The following SCRN1 variants were observed in gnomAD, a reference collection of about 807,000 sequenced individuals.
SCRN1 encodes secernin 1.
SCRN1 carries 19 observed loss-of-function variants against 43.3 expected under a neutral mutation model. The ratio of observed to expected loss-of-function variants is 0.44; its 90% confidence interval spans 0.31 to 0.64. SCRN1 has a LOEUF of 0.64. Among genes scored for constraint, SCRN1 ranks in the 30% least tolerant of loss-of-function variants. SCRN1 has a pLI of 0.09. For synonymous variants in SCRN1, 183 were observed against 188.9 expected, an observed-to-expected ratio of 0.97 and a Z score of 0.26; for missense variants, 447 against 524.1, an observed-to-expected ratio of 0.85 and a Z score of 1.44.
At position 29,921,644 on chromosome 7, in the gene SCRN1, T is replaced by C. The variant is rs1786762725; in HGVS notation, c.*2313A>G. ...TAGTGGTAGGACTAGGACATCACAA[T>C]TGTGGTGCAGAGTATTAGCCAAGAC... On this transcript the variant is annotated 3_prime_UTR_variant, in exon 8 of 8. Coordinates refer to ENST00000242059, the MANE Select transcript of SCRN1 (RefSeq NM_014766.5). The C allele has an allele frequency of 6.6e-6, 1 of 152,228 alleles. No individual in the cohort carries two copies. The highest frequency in any genetic ancestry group is 2.1e-4 in the South Asian group (1 of 4,834). 9.4% of individuals were successfully genotyped at this position (152,228 alleles called of 1,614,324 possible). A position where few individuals can be genotyped will look rare whatever the true frequency, so the allele number is the denominator to read the frequency against.
In SCRN1 at chr7:29,943,910, G is replaced by A. The variant is rs149878955; in HGVS notation, c.544+67C>T. On this transcript the variant is annotated intron_variant, in intron 4 of 7. Transcript: ENST00000242059. ...CTTTCTTCCAGGTCTGACACTGTAC[G>A]TGCAGGCCACCCCATCTCTGTGGCC... is the stretch of plus-strand genomic sequence containing the variant. 6.5e-5 allele frequency: 95 copies of A among 1,460,930 alleles called. 1 individual carries two copies. The African/African-American group carries it at 9.5e-4, about 15-fold the overall frequency. The allele number at this position is 1,460,930 out of a possible 1,614,324, so 90.5% of individuals were successfully genotyped here. A position where few individuals can be genotyped will look rare whatever the true frequency, so the allele number is the denominator to read the frequency against.
chr7:29,969,179 C>G, intron 1 of SCRN1, 111 bp from the exon 2 acceptor site: 1 of 1,295,154 alleles, frequency 7.7e-7, no homozygotes, highest in South Asian at 1.4e-5. Context: ...TTGAACTGTG[C>G]ACAGCTAGCT....
chr7:29,968,957 C>T lies in SCRN1; in HGVS notation c.111G>A (p.Glu37=), dbSNP rs763274907. 42 of 1,614,046 alleles carry T rather than the reference C, an allele frequency of 2.6e-5. No individual in the cohort carries two copies. Among genetic ancestry groups the T allele is most frequent in the Non-Finnish European group, 3.4e-5 (40 of 1,180,034 alleles). The stretch of plus-strand genomic sequence containing the variant: ...GATCAGCAGCCGAGAAATACACAAC[C>T]TCTTGCACTTCATCTCTGGGCCGGG... ...NSARPRDEVQ[E]VVYFSAADHE... is the part of the protein sequence containing the mutation. Residue 37 remains glutamate, a synonymous_variant, in exon 2 of 8, where the codon GAG becomes GAA. Transcript: ENST00000242059.
intron 5 of SCRN1, among the ~76,000 whole-genome samples, chr7:29,937,163 CT>C (rs1562804808): frequency 6.6e-6 from 1 of 152,244 alleles, no homozygotes; most frequent in Non-Finnish European, 1.5e-5. Flanking sequence ...GAAATTACAT[CT>C]GGGACTGTAA....
intron 5 of SCRN1, 130 bp downstream of exon 5, chr7:29,940,552 G>T: frequency 1.3e-6 from 1 of 766,488 alleles, no homozygotes; most frequent in Non-Finnish European, 2.0e-6. Flanking sequence ...TTTAGCAGAA[G>T]TTGGTCTTTA....
chr7:29,970,923 C>T (rs1440819938), intron 1 of SCRN1, among the ~76,000 whole-genome samples: 1 of 152,186 alleles, frequency 6.6e-6, no homozygotes, highest in Non-Finnish European at 1.5e-5. Context: ...ACATATGTTG[C>T]TTGTATATTT....
intron 1 of SCRN1, among the ~76,000 whole-genome samples, chr7:29,971,821 A>G (rs1411377051): frequency 6.6e-6 from 1 of 152,122 alleles, no homozygotes; most frequent in Non-Finnish European, 1.5e-5. Context: ...TGCTATTTCT[A>G]TATCCAATCT....
rs1211088515 is a variant in SCRN1, at chr7:29,989,650, G to GCGGGCTC, written c.-17_-11dup. 2.4e-5 allele frequency: 24 copies of GCGGGCTC among 985,710 alleles called. No homozygotes were observed. Among genetic ancestry groups the GCGGGCTC allele is most frequent in the Middle Eastern group, 5.2e-4 (1 of 1,914 alleles). The allele number at this position is 985,710 out of a possible 1,614,324, so 61.1% of individuals were successfully genotyped here. On this transcript the variant is annotated 5_prime_UTR_variant, in exon 1 of 8. Transcript: ENST00000242059. ...TCCCAGACGCGGCTCACCTGGGGCGGCGGGCTCCGGGCTCCGCTCTCCGCT... is the reference window on the plus strand; with the variant it reads ...TCCCAGACGCGGCTCACCTGGGGCGGCGGGCTCCGGGCTCCGGGCTCCGCTCTCCGCT...
chr7:29,968,897 T>C lies in SCRN1; in HGVS notation c.159+12A>G, dbSNP rs376793295. ...GAGAGTGTGACTCGCGAGACTGCAATGCACGGCTTACCTCAACCTTGCTCT... is the reference window on the plus strand; with the variant it reads ...GAGAGTGTGACTCGCGAGACTGCAACGCACGGCTTACCTCAACCTTGCTCT... On this transcript the variant is annotated intron_variant, in intron 2 of 7. Coordinates refer to ENST00000242059, the MANE Select transcript of SCRN1 (RefSeq NM_014766.5). The C allele has an allele frequency of 3.0e-5, 48 of 1,613,992 alleles. No individual in the cohort carries two copies. Among genetic ancestry groups the C allele is most frequent in the East Asian group, 1.1e-4 (5 of 44,890 alleles).
chr7:29,923,739 C>T lies in SCRN1; in HGVS notation c.*218G>A, dbSNP rs182545757. ...AGTCACACAACCGAACAACAGGCAA[C>T]GGGATACATGTTACACTGCACAGGA... On this transcript the variant is annotated 3_prime_UTR_variant, in exon 8 of 8. Transcript: ENST00000242059. The T allele has an allele frequency of 1.6e-4, 77 of 494,416 alleles. No homozygotes were observed. Among genetic ancestry groups the T allele is most frequent in the Non-Finnish European group, 1.5e-4 (41 of 280,582 alleles). The allele number at this position is 494,416 out of a possible 1,614,324, so 30.6% of individuals were successfully genotyped here.
chr7:29,980,856 T>G (rs1261473824), intron 1 of SCRN1, among the ~76,000 whole-genome samples: 1 of 152,156 alleles, frequency 6.6e-6, no homozygotes, highest in Non-Finnish European at 1.5e-5. Flanking sequence ...TATATATGCG[T>G]GCATATACAT....
chr7:29,951,162 G>C (rs780700465), intron 3 of SCRN1, among the ~76,000 whole-genome samples: 1 of 152,342 alleles, frequency 6.6e-6, no homozygotes, highest in East Asian at 1.9e-4. Flanking sequence ...CAGGCACCAC[G>C]TTTCTTGGTG....
At chr7:29,928,366 G>A (rs556550369) in intron 6 of SCRN1, among the ~76,000 whole-genome samples, 5 of 152,178 alleles carry the variant, frequency 3.3e-5, no homozygotes, top group African/African-American at 1.2e-4. Flanking sequence ...GTAATGAGAA[G>A]TACTCTCTTA....
At chr7:29,938,060 G>A (rs1447624584) in intron 5 of SCRN1, among the ~76,000 whole-genome samples, 3 of 151,578 alleles carry the variant, frequency 2.0e-5, no homozygotes, top group Non-Finnish European at 4.4e-5. Flanking sequence ...ATGGAGTCTC[G>A]TTCTGTCCCC....
chr7:29,944,495 C>A (rs140673540), intron 3 of SCRN1, among the ~76,000 whole-genome samples: 1,696 of 151,062 alleles, frequency 0.011, 18 homozygotes, highest in Admixed American at 0.018. Context: ...ACCTCTTCCT[C>A]AAAAAAAAAT....
intron 2 of SCRN1, among the ~76,000 whole-genome samples, chr7:29,961,758 C>T (rs1401398802): frequency 1.1e-4 from 16 of 146,172 alleles, no homozygotes; most frequent in Middle Eastern, 3.5e-3. Context: ...CCGGATGGGG[C>T]GGCTGGCCGG....
chr7:29,949,682 T>C (rs1787853976), intron 3 of SCRN1, among the ~76,000 whole-genome samples: 1 of 150,424 alleles, frequency 6.6e-6, no homozygotes, highest in Non-Finnish European at 1.5e-5. Context: ...CAGGCCCTTT[T>C]TTCCTTCTTT....
chr7:29,935,382 T>G (rs1254508782), intron 6 of SCRN1, among the ~76,000 whole-genome samples: 1 of 152,232 alleles, frequency 6.6e-6, no homozygotes, highest in East Asian at 1.9e-4. Context: ...AATAAATATT[T>G]TCAGCTGCAA....
In SCRN1 at chr7:29,973,681, T is replaced by C. The variant is rs79398268; in HGVS notation, c.-1-4613A>G. Among the ~76,000 whole-genome samples the C allele has an allele frequency of 5.9e-3, 906 of 152,296 alleles. 9 individuals are homozygous for C. The highest frequency in any genetic ancestry group is 0.021 in the African/African-American group (862 of 41,560). Reference sequence around the variant, plus strand: ...TTAAGTCAGGTTTTAGGTTGAAAATTGCATACAGACAATATCAAAGAAGTT... The same window carrying C: ...TTAAGTCAGGTTTTAGGTTGAAAATCGCATACAGACAATATCAAAGAAGTT... On this transcript the variant is annotated intron_variant, in intron 1 of 7. Coordinates refer to ENST00000242059, the MANE Select transcript of SCRN1 (RefSeq NM_014766.5).
Sources: gnomAD v4.1 joint callset for allele counts (sites outside exome capture counted in the v4.1 genomes callset) on GRCh38, gnomAD v4.1.1 for gene constraint, MANE v1.5 for transcripts, NCBI Gene and HGNC (gene_info 2026-07-23, HGNC 2026-07-21) for gene names.